The following ADAM9 variants were observed in gnomAD, a reference collection of about 807,000 sequenced individuals.
ADAM9 encodes disintegrin and metalloproteinase domain-containing protein 9.
A neutral mutation model predicts 108.1 loss-of-function variants in ADAM9; 54 were observed. The observed-to-expected ratio is 0.50, with a 90% CI of 0.40 to 0.63. The LOEUF (loss-of-function observed/expected upper bound fraction) is 0.63. ADAM9 is among the 20% of genes least tolerant of loss of function. The probability of loss-of-function intolerance (pLI) is 0.00; values close to 1 mark genes in which losing one functional copy is unlikely to be tolerated. For synonymous variants in ADAM9, 316 were observed against 336.0 expected, an observed-to-expected ratio of 0.94 and a Z score of 0.65; for missense variants, 830 against 997.7, an observed-to-expected ratio of 0.83 and a Z score of 2.26.
intron 7 of ADAM9, among the ~76,000 whole-genome samples, chr8:39,019,453 A>T (rs1263640823): frequency 6.6e-6 from 1 of 152,228 alleles, no homozygotes; most frequent in Non-Finnish European, 1.5e-5. Context: ...CTTTGCTTTA[A>T]CTAAGAGAAG....
At chr8:39,031,697 G>A (rs1298551863) in intron 11 of ADAM9, among the ~76,000 whole-genome samples, 1 of 152,166 alleles carries the variant, frequency 6.6e-6, no homozygotes. Flanking sequence ...CGTTGCTGGC[G>A]AGGAGCTGTG....
At position 39,101,896 on chromosome 8, in the gene ADAM9, T is replaced by C. The variant is rs759357816; in HGVS notation, c.2332T>C (p.Tyr778His). 1.2e-6 allele frequency: 2 copies of C among 1,613,894 alleles called. No individual in the cohort carries two copies. The highest frequency in any genetic ancestry group is 2.7e-5 in the African/African-American group (2 of 74,930). The change falls in exon 21 of 22, where the codon TAT becomes CAT. Residue 778 changes from tyrosine (Y) to histidine (H), a missense_variant. By Grantham distance (83) the Tyr-to-His change is moderately conservative. Around this residue, in one of 3 missense-constraint regions of ADAM9, gnomAD observed 238 missense variants for 235.7 expected, o/e 1.01. Transcript: ENST00000487273. The stretch of plus-strand genomic sequence containing the variant: ...TGCAAACAGATTTGCAGTACCAACC[T>C]ATGCAGCCAAGCAACCTCAGCAGTT... ...IYANRFAVPT[Y>H]AAKQPQQFPS... is the part of the protein sequence containing the mutation.
intron 18 of ADAM9, among the ~76,000 whole-genome samples, chr8:39,085,970 T>C (rs1839168218): frequency 2.0e-5 from 3 of 152,098 alleles, no homozygotes; most frequent in Non-Finnish European, 2.9e-5. Flanking sequence ...ATGTCACTGA[T>C]TGGCTGTTGA....
chr8:39,077,218 C>T lies in ADAM9; in HGVS notation c.1698-10C>T, dbSNP rs150861658. The T allele has an allele frequency of 2.0e-4, 316 of 1,613,712 alleles. 4 individuals carry two copies. In the East Asian group the frequency reaches 6.9e-3, roughly 35 times the overall value. On this transcript the variant is annotated splice_polypyrimidine_tract_variant and intron_variant, in intron 15 of 21. Coordinates refer to ENST00000487273, the MANE Select transcript of ADAM9 (RefSeq NM_003816.3). The stretch of plus-strand genomic sequence containing the variant: ...GCATTTTATGTTGCATTATTTCTCT[C>T]TCTTTATAGGAATGCTTTGTGTGGA...
At chr8:39,023,383 T>A (rs1245174141) in intron 9 of ADAM9, 58 bp downstream of exon 9, 1 of 1,487,854 alleles carries the variant, frequency 6.7e-7, no homozygotes, top group East Asian at 2.5e-5. Flanking sequence ...AATTTTTGCT[T>A]ATTTTCTTGT....
chr8:39,101,800 C>A (rs1839702907), intron 20 of ADAM9, 63 bp from the exon 21 acceptor site: 2 of 1,257,936 alleles, frequency 1.6e-6, no homozygotes, highest in Non-Finnish European at 2.3e-6. Flanking sequence ...TAGATTTCTT[C>A]TATTTAGAAA....
intron 11 of ADAM9, among the ~76,000 whole-genome samples, chr8:39,032,023 C>G (rs886872642): frequency 6.6e-6 from 1 of 152,190 alleles, no homozygotes; most frequent in Non-Finnish European, 1.5e-5. Context: ...AATATTGCTG[C>G]CTGATCCTTC....
intron 15 of ADAM9, 149 bp downstream of exon 15, chr8:39,071,552 C>T (rs1467176216): frequency 2.7e-5 from 18 of 679,242 alleles, no homozygotes; most frequent in East Asian, 1.2e-4. Flanking sequence ...CTGCACCCTC[C>T]GCCTCCCAGG....
intron 20 of ADAM9, among the ~76,000 whole-genome samples, chr8:39,095,782 C>T (rs888023651): frequency 1.3e-5 from 2 of 152,092 alleles, no homozygotes; most frequent in African/African-American, 4.8e-5. Flanking sequence ...TTAATATTCG[C>T]TTTATATATT....
chr8:39,025,782 A>G lies in ADAM9; in HGVS notation c.915-21A>G, dbSNP rs756921201. On this transcript the variant is annotated intron_variant, in intron 9 of 21. Transcript: ENST00000487273. ...CCTTTTTTCCCCAAGAACATTTTTT[A>G]ACTTTTACATTTTCATTTAGAAAGA... 1.2e-5 allele frequency: 19 copies of G among 1,609,822 alleles called. 1 individual carries two copies. In the Middle Eastern group the frequency reaches 1.2e-3, roughly 98 times the overall value.
chr8:39,059,593 C>A (rs1239163462), intron 14 of ADAM9, among the ~76,000 whole-genome samples: 1 of 152,236 alleles, frequency 6.6e-6, no homozygotes, highest in Non-Finnish European at 1.5e-5. Context: ...CTACTGAGGC[C>A]ACCCTTTGGT....
At chr8:39,078,406 C>T (rs1360871840) in intron 16 of ADAM9, among the ~76,000 whole-genome samples, 2 of 147,056 alleles carry the variant, frequency 1.4e-5, no homozygotes, top group Non-Finnish European at 3.0e-5. Flanking sequence ...ATGACAAAAA[C>T]AACTCTCTGA....
At chr8:39,103,164 G>C (rs1470000053) in intron 21 of ADAM9, among the ~76,000 whole-genome samples, 2 of 152,172 alleles carry the variant, frequency 1.3e-5, no homozygotes, top group Non-Finnish European at 2.9e-5. Context: ...GACAGGTATA[G>C]AAGTCATAAC....
intron 11 of ADAM9, among the ~76,000 whole-genome samples, chr8:39,030,460 C>G (rs1157873071): frequency 1.3e-5 from 2 of 152,064 alleles, no homozygotes; most frequent in South Asian, 2.1e-4. Context: ...GAATAATAAC[C>G]CATTGTTTGG....
chr8:39,037,877 A>G (rs1278286612), intron 11 of ADAM9, among the ~76,000 whole-genome samples: 1 of 152,230 alleles, frequency 6.6e-6, no homozygotes, highest in Non-Finnish European at 1.5e-5. Flanking sequence ...TTGATGTCTA[A>G]TAGGCTCAAA....
intron 11 of ADAM9, among the ~76,000 whole-genome samples, chr8:39,031,278 T>C (rs1268877437): frequency 6.6e-6 from 1 of 152,250 alleles, no homozygotes; most frequent in Non-Finnish European, 1.5e-5. Flanking sequence ...ATTTTTTGCA[T>C]ATGAATATCT....
intron 12 of ADAM9, among the ~76,000 whole-genome samples, chr8:39,045,262 A>ATGTGTATACATACATATATGTGTATATG (rs1837661215): frequency 7.0e-6 from 1 of 142,248 alleles, no homozygotes; most frequent in Admixed American, 6.9e-5. Flanking sequence ...ATGTGTATAT[A>ATGTGTATACATACATATATGTGTATATG]TGTGTATACA....
chr8:39,057,143 G>C (rs1838149907), intron 14 of ADAM9, among the ~76,000 whole-genome samples: 1 of 152,052 alleles, frequency 6.6e-6, no homozygotes, highest in South Asian at 2.1e-4. Context: ...AGGAGCAATA[G>C]GCTGTACCAC....
chr8:39,090,299 A>G lies in ADAM9; in HGVS notation c.2210+111A>G, dbSNP rs551298432. On this transcript the variant is annotated intron_variant, in intron 19 of 21. Transcript: ENST00000487273. ...TGATTCCCCCTGCCTCAGCCTTCCA[A>G]GTAGTTGGGATTACAGGCACACCAC... 62 of 918,858 alleles carry G rather than the reference A, an allele frequency of 6.7e-5. 1 individual carries two copies. The highest frequency in any genetic ancestry group is 3.0e-4 in the South Asian group (18 of 60,360). The allele number at this position is 918,858 out of a possible 1,614,324, so 56.9% of individuals were successfully genotyped here.
Sources: allele counts gnomAD v4.1 joint callset (sites outside exome capture counted in the v4.1 genomes callset), GRCh38; gene constraint gnomAD v4.1.1; regional missense constraint gnomAD v4.1.1; transcripts MANE v1.5; gene names NCBI Gene and HGNC (gene_info 2026-07-23, HGNC 2026-07-21).